Variants in KCNN1 observed in about 807,000 individuals in gnomAD.
KCNN1 encodes potassium calcium-activated channel subfamily N member 1, also known as small conductance calcium-activated potassium channel protein 1.
In KCNN1, 20 loss-of-function variants were observed where a neutral mutation model predicts 44.7. The ratio of observed to expected loss-of-function variants is 0.45; its 90% confidence interval spans 0.32 to 0.65. The LOEUF (loss-of-function observed/expected upper bound fraction) is 0.65. Among genes scored for constraint, KCNN1 ranks in the 30% least tolerant of loss-of-function variants. KCNN1 has a pLI of 0.05. For synonymous variants in KCNN1, 324 were observed against 341.7 expected (o/e 0.95, Z 0.57); for missense variants, 632 against 785.3 (o/e 0.80, Z 2.33).
chr19:17,998,169 C>A lies in KCNN1; in HGVS notation c.1395C>A (p.Tyr465Ter). ...TDLAKTQTVMYDLVSELHAQH... is the reference protein window; with the variant it reads ...TDLAKTQTVM Reference sequence around the variant, plus strand: ...TCCCGCAGACCCAGACCGTCATGTACGACCTTGTATCGGAGCTGCACGCTC... The same window carrying A: ...TCCCGCAGACCCAGACCGTCATGTAAGACCTTGTATCGGAGCTGCACGCTC... The change falls in exon 10 of 10, where the codon TAC (tyrosine) becomes TAA (stop). Residue 465 changes from tyrosine to a stop codon, truncating the protein, a stop_gained. Coordinates refer to ENST00000684775, the MANE Select transcript of KCNN1 (RefSeq NM_001386974.1). LOFTEE classifies it low-confidence loss of function (END_TRUNC). This position sits in a 1 kb window ranked among gnomAD's most constrained non-coding sequence, Gnocchi z 5.4. 1 of 1,599,918 alleles carries A rather than the reference C, an allele frequency of 6.3e-7. No individual in the cohort carries two copies. The highest frequency in any genetic ancestry group is 8.5e-7 in the Non-Finnish European group (1 of 1,174,252).
Position 17,993,526 on chromosome 19 carries a change from C to T in KCNN1, c.1344C>T (p.Asn448=), listed in dbSNP as rs569582430. The change falls in exon 9 of 10, where the codon AAC becomes AAT. Residue 448 remains asparagine (N), a synonymous_variant. Transcript: ENST00000684775. This position sits in a 1 kb window ranked among gnomAD's most constrained non-coding sequence, Gnocchi z 4.5. ...RSVKIEQGKL[N]DQANTLTDLA... is the part of the protein sequence containing the mutation. ...TGAAGATCGAGCAAGGGAAGCTGAA[C>T]GACCAGGCTAACACGCTTACCGACC... 13 of 1,613,776 alleles carry T rather than the reference C, an allele frequency of 8.1e-6. No individual in the cohort carries two copies. Among genetic ancestry groups the T allele is most frequent in the Admixed American group, 3.3e-5 (2 of 60,006 alleles).
chr19:17,993,043 G>C lies in KCNN1; in HGVS notation c.1299-11G>C, dbSNP rs918430705. 5.6e-6 allele frequency: 9 copies of C among 1,613,448 alleles called. No individual in the cohort carries two copies. Among genetic ancestry groups the C allele is most frequent in the Middle Eastern group, 1.6e-4 (1 of 6,084 alleles). Reference sequence around the variant, plus strand: ...TTGTGATTTTTCTCCTGCTCTGCCCGGTCCTGCCAGGGCTCAGAAGTAAGT... The same window carrying C: ...TTGTGATTTTTCTCCTGCTCTGCCCCGTCCTGCCAGGGCTCAGAAGTAAGT... On this transcript the variant is annotated splice_polypyrimidine_tract_variant and intron_variant, in intron 7 of 9. Coordinates refer to ENST00000684775, the MANE Select transcript of KCNN1 (RefSeq NM_001386974.1). This position sits in a 1 kb window ranked among gnomAD's most constrained non-coding sequence, Gnocchi z 4.5.
rs372266300 is a variant in KCNN1, at chr19:17,983,729, G to A, written c.918-1583G>A. Among the ~76,000 whole-genome samples the A allele has an allele frequency of 1.3e-5, 2 of 152,126 alleles. No individual in the cohort carries two copies. The highest frequency in any genetic ancestry group is 4.2e-4 in the South Asian group (2 of 4,816). The stretch of plus-strand genomic sequence containing the variant: ...GCATGTCCCCCAGCCGTGCTCCTGG[G>A]TGGTCCCGCGGCACCCCCCACCATC... On this transcript the variant is annotated intron_variant, in intron 4 of 9. Coordinates refer to ENST00000684775, the MANE Select transcript of KCNN1 (RefSeq NM_001386974.1). This position sits in a 1 kb window ranked among gnomAD's most constrained non-coding sequence, Gnocchi z 4.5.
chr19:17,973,281 GTTC>G lies in KCNN1; in HGVS notation c.-81-524_-81-522del, dbSNP rs371238632. 3.6e-3 allele frequency among the ~76,000 whole-genome samples: 542 copies of G among 152,030 alleles called. 3 individuals carry two copies. Among genetic ancestry groups the G allele is most frequent in the African/African-American group, 0.012 (512 of 41,486 alleles). On this transcript the variant is annotated intron_variant, in intron 1 of 9. Coordinates refer to ENST00000684775, the MANE Select transcript of KCNN1 (RefSeq NM_001386974.1). ...CTGGGCCCAGCTCTGGAGTTTCTTT[GTTC>G]TTTTTCTTTTTTTTGAGACGTAGTC...
At chr19:17,967,952 TGGG>T (rs1363538152) in intron 1 of KCNN1, among the ~76,000 whole-genome samples, 2 of 150,070 alleles carry the variant, frequency 1.3e-5, no homozygotes, top group African/African-American at 2.5e-5. Context: ...CGGGTGGTGA[TGGG>T]GGGATCGGGC....
chr19:17,975,786 A>G (rs1180691947), intron 3 of KCNN1, among the ~76,000 whole-genome samples: 3 of 151,494 alleles, frequency 2.0e-5, no homozygotes, highest in Non-Finnish European at 2.9e-5. Context: ...TGATGCAGTC[A>G]TGGCTTTGAC....
chr19:17,962,530 C>A (rs1467650286), upstream of KCNN1, among the ~76,000 whole-genome samples: 2 of 152,178 alleles, frequency 1.3e-5, no homozygotes, highest in East Asian at 3.9e-4. Context: ...GAGTACAAGT[C>A]CTGCACACAG....
Position 17,993,936 on chromosome 19 carries a change from A to G in KCNN1, c.1377+377A>G, listed in dbSNP as rs2032893883. ...AAAAAATGATAATAATTTTAAAAAT[A>G]ATTTAAAAATTTAAAAAGAGTACAC... On this transcript the variant is annotated intron_variant, in intron 9 of 9. Transcript: ENST00000684775. The surrounding 1 kb of genome is among the most constrained non-coding windows in gnomAD (Gnocchi z 4.5). Among the ~76,000 whole-genome samples the G allele has an allele frequency of 6.6e-6, 1 of 152,046 alleles. No individual in the cohort carries two copies. Among genetic ancestry groups the G allele is most frequent in the South Asian group, 2.1e-4 (1 of 4,828 alleles).
intron 1 of KCNN1, among the ~76,000 whole-genome samples, 183 bp from the exon 2 acceptor site, chr19:17,973,625 G>A (rs758128762): frequency 5.3e-5 from 8 of 152,198 alleles, no homozygotes; most frequent in Non-Finnish European, 1.2e-4. Context: ...GGGGAGCCAT[G>A]GCAGGGCTTT....
At chr19:17,982,167 C>T (rs2032440892) in intron 4 of KCNN1, 40 bp downstream of exon 4, 2 of 1,444,716 alleles carry the variant, frequency 1.4e-6, no homozygotes. Context: ...GCCCCCAGCC[C>T]CCGTCTCCCT....
intron 1 of KCNN1, among the ~76,000 whole-genome samples, chr19:17,951,830 T>C (rs577900638): frequency 4.0e-4 from 61 of 152,230 alleles, no homozygotes; most frequent in South Asian, 1.0e-3. Context: ...TCCCTGACTC[T>C]CTTCTTTCCC....
At chr19:17,969,712 C>T (rs549349090) in intron 1 of KCNN1, among the ~76,000 whole-genome samples, 7 of 152,238 alleles carry the variant, frequency 4.6e-5, no homozygotes, top group South Asian at 2.1e-4. Flanking sequence ...CAGAGGCCAT[C>T]GGAGGCCTAC....
In KCNN1 at chr19:17,975,190, C is replaced by CAGT; in HGVS notation, c.498+4_498+6dup. On this transcript the variant is annotated splice_donor_region_variant and intron_variant, in intron 3 of 9. Coordinates refer to ENST00000684775, the MANE Select transcript of KCNN1 (RefSeq NM_001386974.1). ...TCTACCATGCCCGGGAGATCCAGGT[C>CAGT]AGTGCTGAATACTGCAGGAAGCAGC... 6.2e-7 allele frequency: 1 copy of CAGT among 1,611,066 alleles called. No individual in the cohort carries two copies. The highest frequency in any genetic ancestry group is 1.3e-5 in the African/African-American group (1 of 74,974).
At chr19:17,965,273 CAAA>C (rs35151160), upstream of KCNN1, among the ~76,000 whole-genome samples, 2 of 134,438 alleles carry the variant, frequency 1.5e-5, no homozygotes, top group African/African-American at 2.7e-5. Context: ...GACTCTGTCT[CAAA>C]AAAAAAAAAA....
chr19:17,979,579 C>G (rs2145940100), intron 3 of KCNN1, among the ~76,000 whole-genome samples: 1 of 151,946 alleles, frequency 6.6e-6, no homozygotes, highest in Non-Finnish European at 1.5e-5. Context: ...CCTTTTGCCT[C>G]CAGCTCCAAT....
Position 17,975,143 on chromosome 19 carries a change from A to T in KCNN1, c.454A>T (p.Ile152Phe). 6.2e-7 allele frequency: 1 copy of T among 1,613,612 alleles called. No homozygotes were observed. Among genetic ancestry groups the T allele is most frequent in the South Asian group, 1.1e-5 (1 of 91,048 alleles). Residue 152 changes from isoleucine to phenylalanine, a missense_variant, in exon 3 of 10, where the codon ATC (isoleucine) becomes TTC (phenylalanine). By Grantham distance (21) the Ile-to-Phe change is conservative. This residue lies in a region of KCNN1 where 235 missense variants were observed against 224.0 expected (regional missense o/e 1.05). Coordinates refer to ENST00000684775, the MANE Select transcript of KCNN1 (RefSeq NM_001386974.1). ...LKCLISLSTA[I>F]LLGLVVLYHA... ...ATGCCTCATCAGCCTCTCCACGGCC[A>T]TCCTGCTGGGTCTCGTTGTCCTCTA... is the stretch of plus-strand genomic sequence containing the variant.
Position 17,981,807 on chromosome 19 carries a change from C to T in KCNN1, c.597C>T (p.His199=). 2 of 1,613,112 alleles carry T rather than the reference C, an allele frequency of 1.2e-6. No individual in the cohort carries two copies. The highest frequency in any genetic ancestry group is 2.2e-5 in the East Asian group (1 of 44,866). The change falls in exon 4 of 10, where the codon CAC becomes CAT. Residue 199 remains histidine, a synonymous_variant. Transcript: ENST00000684775. Reference sequence around the variant, plus strand: ...TAGAGCTGGCAGTGTGCGCCATTCACCCGGTGCCCGGCCACTACCGCTTCA... The same window carrying T: ...TAGAGCTGGCAGTGTGCGCCATTCATCCGGTGCCCGGCCACTACCGCTTCA... ...ISLELAVCAI[H]PVPGHYRFTW...
Position 17,998,301 on chromosome 19 carries a change from AC to A in KCNN1, c.1532del (p.Pro511ArgfsTer69), listed in dbSNP as rs2033071469. Reference sequence around the variant, plus strand: ...GCCTCATCGCCCAAGCCATACGCCCACCCCCGCCTCCCCTGCCTCCCAGGCC... The same window carrying A: ...GCCTCATCGCCCAAGCCATACGCCCACCCCGCCTCCCCTGCCTCCCAGGCC... ...PGLIAQAIRP[P>X]PPPLPPRPGP... On this transcript the variant is annotated frameshift_variant, in exon 10 of 10. Transcript: ENST00000684775. LOFTEE classifies it low-confidence loss of function (END_TRUNC). This position sits in a 1 kb window ranked among gnomAD's most constrained non-coding sequence, Gnocchi z 5.4. 1 of 1,510,760 alleles carries A rather than the reference AC, an allele frequency of 6.6e-7. No homozygotes were observed. The allele number at this position is 1,510,760 out of a possible 1,614,324, so 93.6% of individuals were successfully genotyped here. A position where few individuals can be genotyped will look rare whatever the true frequency, so the allele number is the denominator to read the frequency against.
Position 17,998,191 on chromosome 19 carries a change from G to A in KCNN1, c.1417G>A (p.Ala473Thr), listed in dbSNP as rs772546051. 19 of 1,598,672 alleles carry A rather than the reference G, an allele frequency of 1.2e-5. No homozygotes were observed. The highest frequency in any genetic ancestry group is 1.7e-4 in the Middle Eastern group (1 of 6,060). The change falls in exon 10 of 10, where the codon GCT becomes ACT. Residue 473 changes from alanine (A) to threonine (T), a missense_variant. This residue lies in a region of KCNN1 where 237 missense variants were observed against 253.0 expected (regional missense o/e 0.94). Transcript: ENST00000684775. The surrounding 1 kb of genome is among the most constrained non-coding windows in gnomAD (Gnocchi z 5.4). Reference protein sequence around the residue: ...VMYDLVSELHAQHEELEARLA... With the variant: ...VMYDLVSELHTQHEELEARLA... ...GTACGACCTTGTATCGGAGCTGCAC[G>A]CTCAGCACGAGGAGCTGGAGGCCCG...
Sources: gnomAD v4.1 joint callset for allele counts (sites outside exome capture counted in the v4.1 genomes callset) on GRCh38, gnomAD v4.1.1 for gene constraint, gnomAD v4.1.1 regional missense constraint, Gnocchi (gnomAD v3.1) non-coding constraint, MANE v1.5 for transcripts, NCBI Gene and HGNC (gene_info 2026-07-23, HGNC 2026-07-21) for gene names.